CLN6: variants seen among roughly 807,000 people sequenced by gnomAD.
CLN6 encodes CLN6 transmembrane ER protein.
CLN6 carries 22 observed loss-of-function variants against 33.3 expected under a neutral mutation model. The observed-to-expected ratio is 0.66, with a 90% CI of 0.47 to 0.94. The LOEUF is 0.94. CLN6 is among the 40% of genes least tolerant of loss of function. The probability of loss-of-function intolerance (pLI) is 0.00; values close to 1 mark genes in which losing one functional copy is unlikely to be tolerated. For missense variants in CLN6, 387 were observed against 417.1 expected, an observed-to-expected ratio of 0.93 and a Z score of 0.63; for synonymous variants, 201 against 174.6, an observed-to-expected ratio of 1.15 and a Z score of -1.19.
At position 68,211,905 on chromosome 15, in the gene CLN6, T is replaced by A; in HGVS notation, c.298-42A>T. ...GGTTGGCAGCATGACCCCACCTCTG[T>A]CACAGTATGTGACACCCTCTGCTTC... On this transcript the variant is annotated intron_variant, in intron 3 of 6. Transcript: ENST00000249806. The surrounding 1 kb of genome is among the most constrained non-coding windows in gnomAD (Gnocchi z 5.9). 6.3e-7 allele frequency: 1 copy of A among 1,597,394 alleles called. No individual in the cohort carries two copies. The highest frequency in any genetic ancestry group is 8.6e-7 in the Non-Finnish European group (1 of 1,167,588).
rs1340058810 is a variant in CLN6, at chr15:68,247,967, G to A, written c.179+8723C>T. Among the ~76,000 whole-genome samples, 1 of 150,860 alleles carries A rather than the reference G, an allele frequency of 6.6e-6. No homozygotes were observed. Among genetic ancestry groups the A allele is most frequent in the Non-Finnish European group, 1.5e-5 (1 of 67,944 alleles). On this transcript the variant is annotated intron_variant, in intron 1 of 6. Coordinates refer to the CLN6 transcript ENST00000538696. This position sits in a 1 kb window ranked among gnomAD's most constrained non-coding sequence, Gnocchi z 4.2. ...CACTTGAACCTGGGAGGTGGAGGTT[G>A]CAGTGAGCTGAGATCGTGCCATTGC...
rs1892291681 is a variant in CLN6 at position 68,242,870 on chromosome 15, A to G, written c.179+13820T>C. On this transcript the variant is annotated intron_variant, in intron 1 of 6. Transcript: ENST00000538696. This position sits in a 1 kb window ranked among gnomAD's most constrained non-coding sequence, Gnocchi z 5.0. ...AGAGCCATGCCCACCAGCTATGCTAAGAGTCAGACCTTATCTTCATTTCTG... is the reference window on the plus strand; with the variant it reads ...AGAGCCATGCCCACCAGCTATGCTAGGAGTCAGACCTTATCTTCATTTCTG... Among the ~76,000 whole-genome samples the G allele has an allele frequency of 6.6e-6, 1 of 152,236 alleles. No homozygotes were observed.
intron 1 of CLN6, among the ~76,000 whole-genome samples, chr15:68,254,111 C>T (rs1249312647): frequency 6.6e-6 from 1 of 151,532 alleles, no homozygotes; most frequent in African/African-American, 2.4e-5. Flanking sequence ...GATCTCCTGA[C>T]CTCGTGATCC....
rs990439023 is a variant in CLN6 at position 68,234,910 on chromosome 15, G to A, written c.180-16260C>T. ...CAGGTGCCTGTAATCCCAGCTACTC[G>A]GGAGGCTGAGGCAGGAGAATTGCTT... On this transcript the variant is annotated intron_variant, in intron 1 of 6. Transcript: ENST00000538696. This position sits in a 1 kb window ranked among gnomAD's most constrained non-coding sequence, Gnocchi z 4.1. Among the ~76,000 whole-genome samples, 1 of 152,108 alleles carries A rather than the reference G, an allele frequency of 6.6e-6. No homozygotes were observed. The highest frequency in any genetic ancestry group is 2.4e-5 in the African/African-American group (1 of 41,396).
chr15:68,227,090 T>G lies in CLN6; in HGVS notation c.83+2412A>C, dbSNP rs1595825769. On this transcript the variant is annotated intron_variant, in intron 1 of 6. Transcript: ENST00000249806. The surrounding 1 kb of genome is among the most constrained non-coding windows in gnomAD (Gnocchi z 4.1). ...AGTCTCACTGTCATCCAGGCTGGAG[T>G]GCAGTGGCGCCATCTCGGCTCACTA... 6.6e-6 allele frequency among the ~76,000 whole-genome samples: 1 copy of G among 151,584 alleles called. No homozygotes were observed. The highest frequency in any genetic ancestry group is 2.1e-4 in the South Asian group (1 of 4,804).
Position 68,254,788 on chromosome 15 carries a change from A to G in CLN6, c.179+1902T>C, listed in dbSNP as rs549089467. 5.3e-6 allele frequency: 5 copies of G among 952,140 alleles called. No individual in the cohort carries two copies. In the African/African-American group the frequency reaches 6.4e-5, roughly 12 times the overall value. The allele number at this position is 952,140 out of a possible 1,614,324, so 59.0% of individuals were successfully genotyped here. A position where few individuals can be genotyped will look rare whatever the true frequency, so the allele number is the denominator to read the frequency against. On this transcript the variant is annotated intron_variant, in intron 1 of 6. Coordinates refer to the CLN6 transcript ENST00000538696. ...CCCCTGCAAAGAAGGGAGAGAAGGT[A>G]CCAAAAGGGAAAAGGGAAAAGCTGA...
intron 1 of CLN6, among the ~76,000 whole-genome samples, chr15:68,222,625 G>C (rs567911115): frequency 1.3e-5 from 2 of 152,218 alleles, no homozygotes; most frequent in Non-Finnish European, 2.9e-5. Context: ...CAACAGCTCC[G>C]AAGAGACAGC....
At chr15:68,225,542 A>G (rs1418618601) in intron 1 of CLN6, among the ~76,000 whole-genome samples, 1 of 152,182 alleles carries the variant, frequency 6.6e-6, no homozygotes, top group Non-Finnish European at 1.5e-5. Flanking sequence ...GAGTGCAGTG[A>G]CACAGTCATG....
rs893485264 is a variant in CLN6, at chr15:68,228,967, G to A, written c.83+535C>T. On this transcript the variant is annotated intron_variant, in intron 1 of 6. Coordinates refer to ENST00000249806, the MANE Select transcript of CLN6 (RefSeq NM_017882.3). The surrounding 1 kb of genome is among the most constrained non-coding windows in gnomAD (Gnocchi z 4.4). ...ATTCATTCTCTGGACGGCAGCTTCC[G>A]CCCTTCCCCGCTGTCTCTTCCATTA... Among the ~76,000 whole-genome samples, 1 of 152,140 alleles carries A rather than the reference G, an allele frequency of 6.6e-6. No individual in the cohort carries two copies. The highest frequency in any genetic ancestry group is 1.5e-5 in the Non-Finnish European group (1 of 68,022).
chr15:68,229,412 GC>G, intron 1 of CLN6, 89 bp downstream of exon 1: 1 of 1,066,736 alleles, frequency 9.4e-7, no homozygotes, highest in Non-Finnish European at 1.3e-6. Flanking sequence ...CGAGGTTCCC[GC>G]CCGGCAGCCC....
In CLN6 at chr15:68,219,610, C is replaced by G. The variant is rs2093230000; in HGVS notation, c.84-960G>C. Among the ~76,000 whole-genome samples, 3 of 152,180 alleles carry G rather than the reference C, an allele frequency of 2.0e-5. No individual in the cohort carries two copies. Among genetic ancestry groups the G allele is most frequent in the Admixed American group, 2.0e-4 (3 of 15,274 alleles). ...CCCTGATGAAGCTTTTCCCAAAGCC[C>G]CACCAGCCCACTGCAGGGAGCATTT... On this transcript the variant is annotated intron_variant, in intron 1 of 6. Transcript: ENST00000249806. The surrounding 1 kb of genome is among the most constrained non-coding windows in gnomAD (Gnocchi z 4.2).
rs1014967905 is a variant in CLN6 at position 68,208,557 on chromosome 15, C to T, written c.666-147G>A. 2 of 793,674 alleles carry T rather than the reference C, an allele frequency of 2.5e-6. No homozygotes were observed. The highest frequency in any genetic ancestry group is 4.1e-6 in the Non-Finnish European group (2 of 483,550). The allele number at this position is 793,674 out of a possible 1,614,324, so 49.2% of individuals were successfully genotyped here. A position where few individuals can be genotyped will look rare whatever the true frequency, so the allele number is the denominator to read the frequency against. On this transcript the variant is annotated intron_variant, in intron 6 of 6. Coordinates refer to ENST00000249806, the MANE Select transcript of CLN6 (RefSeq NM_017882.3). This position sits in a 1 kb window ranked among gnomAD's most constrained non-coding sequence, Gnocchi z 5.8. ...GCTCAGAGAACTATGCCGCTCTAAG[C>T]CACAGCCCATGGGCAGCATATTGAT...
chr15:68,244,827 G>GT (rs1892313955), intron 1 of CLN6, among the ~76,000 whole-genome samples: 1 of 152,076 alleles, frequency 6.6e-6, no homozygotes, highest in African/African-American at 2.4e-5. Context: ...GCCAAGGTGG[G>GT]TGGATCACTT....
chr15:68,212,302 T>C (rs1384342270), intron 3 of CLN6: 1 of 194,338 alleles, frequency 5.1e-6, no homozygotes, highest in Non-Finnish European at 1.1e-5. Flanking sequence ...ATGTCAGGGA[T>C]GGGGGCAGGT....
rs1380902691 is a variant in CLN6 at position 68,242,266 on chromosome 15, G to A, written c.179+14424C>T. 6.6e-6 allele frequency among the ~76,000 whole-genome samples: 1 copy of A among 152,034 alleles called. No homozygotes were observed. Among genetic ancestry groups the A allele is most frequent in the African/African-American group, 2.4e-5 (1 of 41,402 alleles). On this transcript the variant is annotated intron_variant, in intron 1 of 6. Transcript: ENST00000538696. The surrounding 1 kb of genome is among the most constrained non-coding windows in gnomAD (Gnocchi z 5.0). ...TTTAAAAATCAAATCTTGGAACTGA[G>A]AAATACATTTGCTAAATCAAAAAAT...
chr15:68,224,500 T>C (rs1274611640), intron 1 of CLN6, among the ~76,000 whole-genome samples: 1 of 150,968 alleles, frequency 6.6e-6, no homozygotes, highest in Admixed American at 6.6e-5. Flanking sequence ...TGCACACCTG[T>C]AATCTCAGCT....
In CLN6 at chr15:68,210,136, CAT is replaced by C. The variant is rs1410797432; in HGVS notation, c.543-379_543-378del. Among the ~76,000 whole-genome samples, 1 of 152,166 alleles carries C rather than the reference CAT, an allele frequency of 6.6e-6. No homozygotes were observed. Among genetic ancestry groups the C allele is most frequent in the South Asian group, 2.1e-4 (1 of 4,804 alleles). On this transcript the variant is annotated intron_variant, in intron 5 of 6. Transcript: ENST00000249806. This position sits in a 1 kb window ranked among gnomAD's most constrained non-coding sequence, Gnocchi z 5.6. ...CTCCCGGGCTGAGGATGGAGGTCCA[CAT>C]GTTAAAAAAGAGAACAGCACCTGCA...
At chr15:68,249,487 C>T (rs1892356515) in intron 1 of CLN6, among the ~76,000 whole-genome samples, 1 of 152,158 alleles carries the variant, frequency 6.6e-6, no homozygotes, top group Non-Finnish European at 1.5e-5. Context: ...GAATACTGTT[C>T]AGCCATGAAA....
In CLN6 at chr15:68,248,028, C is replaced by CAA. The variant is rs34262273; in HGVS notation, c.179+8660_179+8661dup. On this transcript the variant is annotated intron_variant, in intron 1 of 6. Coordinates refer to the CLN6 transcript ENST00000538696. ...GGGCACTAACAGTGAAACTCAGTCT[C>CAA]AAAAAAAAAAAAAAAAGAACAAATC... is the stretch of plus-strand genomic sequence containing the variant. 1.4e-3 allele frequency among the ~76,000 whole-genome samples: 160 copies of CAA among 118,098 alleles called. 2 individuals are homozygous for CAA. The highest frequency in any genetic ancestry group is 4.6e-3 in the Middle Eastern group (1 of 216). 77.5% of individuals were successfully genotyped at this position (118,098 alleles called of 152,430 possible). A position where few individuals can be genotyped will look rare whatever the true frequency, so the allele number is the denominator to read the frequency against.
Sources: gnomAD v4.1 joint callset for allele counts (sites outside exome capture counted in the v4.1 genomes callset) on GRCh38, gnomAD v4.1.1 for gene constraint, Gnocchi (gnomAD v3.1) non-coding constraint, MANE v1.5 for transcripts, NCBI Gene and HGNC (gene_info 2026-07-23, HGNC 2026-07-21) for gene names.